Variants in SLC8A1 observed in about 807,000 individuals in gnomAD.
The protein encoded by SLC8A1 is sodium/calcium exchanger 1.
A neutral mutation model predicts 68.3 loss-of-function variants in SLC8A1; 18 were observed. The observed-to-expected ratio is 0.26, with a 90% CI of 0.18 to 0.39. The LOEUF is 0.39. Among genes scored for constraint, SLC8A1 ranks in the 10% least tolerant of loss-of-function variants. The pLI, the probability that SLC8A1 is intolerant of heterozygous loss-of-function variation, is 1.00. For synonymous variants in SLC8A1, 475 were observed against 415.5 expected, an observed-to-expected ratio of 1.14 and a Z score of -1.74; for missense variants, 985 against 1,156.7, an observed-to-expected ratio of 0.85 and a Z score of 2.15.
intron 2 of SLC8A1, among the ~76,000 whole-genome samples, chr2:40,257,015 AG>A (rs2064033497): frequency 3.1e-5 from 1 of 32,422 alleles, no homozygotes; most frequent in Admixed American, 5.6e-4. Context: ...CTATCAAGTA[AG>A]TAAATAAATA....
At chr2:40,351,016 T>A (rs868765217) in intron 2 of SLC8A1, among the ~76,000 whole-genome samples, 8 of 152,160 alleles carry the variant, frequency 5.3e-5, no homozygotes, top group Non-Finnish European at 1.2e-4. Flanking sequence ...CCTTATCCCA[T>A]TGCCTATAAT....
At chr2:40,474,722 A>C (rs1276698672) in intron 1 of SLC8A1, among the ~76,000 whole-genome samples, 1 of 152,230 alleles carries the variant, frequency 6.6e-6, no homozygotes, top group Non-Finnish European at 1.5e-5. Flanking sequence ...TTTTATACTT[A>C]AAGAAACTGA....
chr2:40,361,321 C>G (rs1374873506), intron 2 of SLC8A1, among the ~76,000 whole-genome samples: 2 of 152,074 alleles, frequency 1.3e-5, no homozygotes, highest in African/African-American at 4.8e-5. Context: ...AAATTACTTA[C>G]AAGTTTTCAA....
chr2:40,253,773 G>A (rs2063386601), intron 2 of SLC8A1, among the ~76,000 whole-genome samples: 1 of 143,736 alleles, frequency 7.0e-6, no homozygotes, highest in Non-Finnish European at 1.5e-5. Flanking sequence ...GTTGCAGTGA[G>A]CCGAGATCAT....
At chr2:40,324,833 T>C (rs1362591537) in intron 2 of SLC8A1, among the ~76,000 whole-genome samples, 2 of 152,198 alleles carry the variant, frequency 1.3e-5, no homozygotes, top group Non-Finnish European at 2.9e-5. Flanking sequence ...GTAGCATGTT[T>C]TGCTATTAAA....
At chr2:40,466,853 G>A (rs1703702959) in intron 1 of SLC8A1, among the ~76,000 whole-genome samples, 1 of 151,220 alleles carries the variant, frequency 6.6e-6, no homozygotes, top group South Asian at 2.1e-4. Context: ...TTATGCACCT[G>A]AAAAACTATA....
chr2:40,139,894 C>T (rs765767224), intron 6 of SLC8A1, among the ~76,000 whole-genome samples: 4 of 152,140 alleles, frequency 2.6e-5, no homozygotes, highest in Non-Finnish European at 5.9e-5. Flanking sequence ...TGGTCAATGG[C>T]AAAAACTTAA....
exon 8 of SLC8A1, chr2:40,101,590 G>T (rs1174458368): frequency 6.6e-6 from 1 of 152,030 alleles, no homozygotes; most frequent in Non-Finnish European, 1.5e-5. Flanking sequence ...AAGGATTAAT[G>T]TCCCTTAAAA....
At chr2:40,176,741 G>C (rs1387101391) in intron 3 of SLC8A1, among the ~76,000 whole-genome samples, 1 of 152,120 alleles carries the variant, frequency 6.6e-6, no homozygotes, top group East Asian at 1.9e-4. Context: ...ACTTGTAAAA[G>C]CATAAATTTC....
intron 2 of SLC8A1, among the ~76,000 whole-genome samples, chr2:40,295,619 G>A (rs935228775): frequency 3.9e-5 from 6 of 152,050 alleles, no homozygotes; most frequent in African/African-American, 1.4e-4. Context: ...GGAGGATTAC[G>A]ATCCAGCAGA....
chr2:40,125,198 G>T (rs2148145832), intron 7 of SLC8A1, among the ~76,000 whole-genome samples: 1 of 152,240 alleles, frequency 6.6e-6, no homozygotes, highest in East Asian at 1.9e-4. Context: ...GGTTAATTCA[G>T]CATTCATAAT....
intron 7 of SLC8A1, among the ~76,000 whole-genome samples, chr2:40,126,077 G>A (rs532992428): frequency 2.0e-5 from 3 of 152,100 alleles, no homozygotes; most frequent in Non-Finnish European, 4.4e-5. Flanking sequence ...GTGAGGGCAC[G>A]AGGTGGGATT....
chr2:40,427,489 A>G (rs1377830085), intron 2 of SLC8A1, among the ~76,000 whole-genome samples: 2 of 151,980 alleles, frequency 1.3e-5, no homozygotes, highest in African/African-American at 4.8e-5. Context: ...TATTATAGTC[A>G]GCCTCCCTCC....
chr2:40,107,175 C>G (rs1310109516), exon 8 of SLC8A1: 1 of 147,570 alleles, frequency 6.8e-6, no homozygotes, highest in African/African-American at 2.5e-5. Flanking sequence ...CACCAAAACA[C>G]GTGTTTAGAA....
At chr2:40,294,423 T>C (rs1459390109) in intron 2 of SLC8A1, among the ~76,000 whole-genome samples, 3 of 152,184 alleles carry the variant, frequency 2.0e-5, no homozygotes, top group African/African-American at 7.2e-5. Context: ...CACAGAGGTA[T>C]TTAGTGGCTA....
chr2:40,445,527 T>C (rs1298294643), intron 1 of SLC8A1, among the ~76,000 whole-genome samples: 1 of 152,222 alleles, frequency 6.6e-6, no homozygotes, highest in Non-Finnish European at 1.5e-5. Context: ...ATCTCCTATT[T>C]CAGTCTTATA....
intron 6 of SLC8A1, among the ~76,000 whole-genome samples, chr2:40,155,419 G>GTGCC (rs1430911935): frequency 1.3e-5 from 2 of 152,094 alleles, no homozygotes. Context: ...ATGAGCCACC[G>GTGCC]TGCCTGGCCC....
At chr2:40,358,556 A>G (rs1673489439) in intron 2 of SLC8A1, among the ~76,000 whole-genome samples, 1 of 152,178 alleles carries the variant, frequency 6.6e-6, no homozygotes. Flanking sequence ...AATCCTATTT[A>G]TTCTCTTTAT....
intron 2 of SLC8A1, among the ~76,000 whole-genome samples, chr2:40,418,380 G>A (rs1694494190): frequency 6.6e-6 from 1 of 152,004 alleles, no homozygotes; most frequent in South Asian, 2.1e-4. Context: ...ACCCACAAAG[G>A]GTTCTTCTTT....
Sources: gnomAD v4.1 joint callset for allele counts (sites outside exome capture counted in the v4.1 genomes callset) on GRCh38, gnomAD v4.1.1 for gene constraint, MANE v1.5 for transcripts, NCBI Gene and HGNC (gene_info 2026-07-23, HGNC 2026-07-21) for gene names.